Variants in PCGF2 observed in about 807,000 individuals in gnomAD.
The protein encoded by PCGF2 is polycomb group ring finger 2.
A neutral mutation model predicts 36.1 loss-of-function variants in PCGF2; 8 were observed. That is an observed-to-expected ratio of 0.22 (90% confidence interval 0.13 to 0.40). PCGF2 has a LOEUF of 0.40. PCGF2 is among the 10% of genes least tolerant of loss of function. PCGF2 has a pLI of 1.00. For missense variants in PCGF2, 436 were observed against 475.9 expected (o/e 0.92, Z 0.78); for synonymous variants, 198 against 191.2 (o/e 1.04, Z -0.29).
At position 38,739,641 on chromosome 17, in the gene PCGF2, A is replaced by G. The variant is rs749282221; in HGVS notation, c.154T>C (p.Tyr52His). The G allele has an allele frequency of 7.4e-6, 12 of 1,613,842 alleles. No homozygotes were observed. The South Asian group carries it at 1.3e-4, about 18-fold the overall frequency. ...CIVRYLETNK[Y>H]CPMCDVQVHK... ...ACCTGCACGTCACACATGGGGCAGT[A>G]TTTGTTGGTCTCCAGGTAGCGCACG... The change falls in exon 4 of 11, where the codon TAC becomes CAC. Residue 52 changes from tyrosine to histidine, a missense_variant. Tyr to His is a moderately conservative substitution (Grantham distance 83). This residue lies in a region of PCGF2 where 189 missense variants were observed against 219.3 expected (regional missense o/e 0.86). Transcript: ENST00000620225. The surrounding 1 kb of genome is among the most constrained non-coding windows in gnomAD (Gnocchi z 4.0).
chr17:38,735,968 C>T (rs552773204), intron 10 of PCGF2, 122 bp downstream of exon 10: 13 of 732,454 alleles, frequency 1.8e-5, no homozygotes, highest in Non-Finnish European at 3.1e-5. Context: ...CCACCCTGGA[C>T]ATGCAGCTCA....
chr17:38,737,112 G>C (rs1906823394), intron 9 of PCGF2, among the ~76,000 whole-genome samples: 1 of 151,886 alleles, frequency 6.6e-6, no homozygotes, highest in Non-Finnish European at 1.5e-5. Context: ...TCCAGCCTGG[G>C]CAACAAGAGC....
At position 38,739,521 on chromosome 17, in the gene PCGF2, G is replaced by C; in HGVS notation, c.209+65C>G. ...GCCTTGGCTGAAGGAAGCACGGAGC[G>C]TGGGAGGGATGGGGGAGGCTGACCC... On this transcript the variant is annotated intron_variant, in intron 4 of 10. Transcript: ENST00000620225. The surrounding 1 kb of genome is among the most constrained non-coding windows in gnomAD (Gnocchi z 4.0). The C allele has an allele frequency of 7.9e-7, 1 of 1,273,724 alleles. No individual in the cohort carries two copies. The highest frequency in any genetic ancestry group is 1.1e-6 in the Non-Finnish European group (1 of 869,790). 78.9% of individuals were successfully genotyped at this position (1,273,724 alleles called of 1,614,324 possible).
chr17:38,743,470 C>A (rs983232163), intron 2 of PCGF2, among the ~76,000 whole-genome samples: 1 of 152,094 alleles, frequency 6.6e-6, no homozygotes, highest in Non-Finnish European at 1.5e-5. Context: ...GTCACTTCCC[C>A]GAGCATTTCT....
intron 2 of PCGF2, among the ~76,000 whole-genome samples, chr17:38,741,071 AAAG>A (rs1907171620): frequency 6.6e-6 from 1 of 151,978 alleles, no homozygotes; most frequent in Non-Finnish European, 1.5e-5. Context: ...GGAAAATGGA[AAAG>A]AAGAGGGTTT....
rs1373813328 is a variant in PCGF2 at position 38,739,487 on chromosome 17, A to T, written c.209+99T>A. 3 of 1,054,408 alleles carry T rather than the reference A, an allele frequency of 2.8e-6. No homozygotes were observed. The highest frequency in any genetic ancestry group is 4.5e-6 in the Non-Finnish European group (3 of 673,970). 65.3% of individuals were successfully genotyped at this position (1,054,408 alleles called of 1,614,324 possible). On this transcript the variant is annotated intron_variant, in intron 4 of 10. Coordinates refer to ENST00000620225, the MANE Select transcript of PCGF2 (RefSeq NM_007144.3). This position sits in a 1 kb window ranked among gnomAD's most constrained non-coding sequence, Gnocchi z 4.0. ...CAGGTCCACACCCCATGCTTCTCCT[A>T]CACCTGCCGCCTTGGCTGAAGGAAG...
intron 9 of PCGF2, 133 bp from the exon 10 acceptor site, chr17:38,736,303 CTG>C: frequency 1.5e-6 from 1 of 673,404 alleles, no homozygotes; most frequent in Non-Finnish European, 2.7e-6. Flanking sequence ...TGGGATTTCA[CTG>C]TGGATTTGAC....
chr17:38,735,746 A>T, intron 10 of PCGF2, 146 bp from the exon 11 acceptor site: 1 of 1,140,010 alleles, frequency 8.8e-7, no homozygotes, highest in Non-Finnish European at 1.2e-6. Flanking sequence ...AGAGACAAGG[A>T]TACAGGGTGC....
At chr17:38,744,269 C>T (rs1477651054) in intron 2 of PCGF2, among the ~76,000 whole-genome samples, 1 of 152,236 alleles carries the variant, frequency 6.6e-6, no homozygotes, top group Non-Finnish European at 1.5e-5. Flanking sequence ...AACCCCGACC[C>T]CTCTTTGCCA....
At chr17:38,744,973 G>C (rs1198554200) in intron 2 of PCGF2, among the ~76,000 whole-genome samples, 1 of 152,190 alleles carries the variant, frequency 6.6e-6, no homozygotes, top group African/African-American at 2.4e-5. Flanking sequence ...CCAACACTTT[G>C]GGAGGCCAAG....
At position 38,735,208 on chromosome 17, in the gene PCGF2, A is replaced by G; in HGVS notation, c.*15T>C. ...TGGAGAGGCTTGGCTGGAAGAAGGG[A>G]GAGGGTCCCTGGCCTCAAGTTAAGG... is the stretch of plus-strand genomic sequence containing the variant. On this transcript the variant is annotated 3_prime_UTR_variant, in exon 11 of 11. Coordinates refer to ENST00000620225, the MANE Select transcript of PCGF2 (RefSeq NM_007144.3). The G allele has an allele frequency of 7.2e-7, 1 of 1,391,478 alleles. No homozygotes were observed. The highest frequency in any genetic ancestry group is 9.4e-7 in the Non-Finnish European group (1 of 1,062,710). The allele number at this position is 1,391,478 out of a possible 1,614,324, so 86.2% of individuals were successfully genotyped here. A position where few individuals can be genotyped will look rare whatever the true frequency, so the allele number is the denominator to read the frequency against.
chr17:38,745,345 A>G (rs1480145420), intron 2 of PCGF2, among the ~76,000 whole-genome samples: 1 of 152,064 alleles, frequency 6.6e-6, no homozygotes, highest in Non-Finnish European at 1.5e-5. Context: ...CAAACAAACA[A>G]AAATACAAAA....
intron 9 of PCGF2, 46 bp from the exon 10 acceptor site, chr17:38,736,216 G>T: frequency 2.3e-6 from 3 of 1,304,136 alleles, no homozygotes; most frequent in Non-Finnish European, 3.3e-6. Context: ...CCAGCTCGGG[G>T]CTCCAGGCTG....
chr17:38,737,820 G>A (rs949764512), intron 9 of PCGF2, among the ~76,000 whole-genome samples: 1 of 150,144 alleles, frequency 6.7e-6, no homozygotes, highest in Non-Finnish European at 1.5e-5. Flanking sequence ...GCTGAGGCAG[G>A]AGAATCGCTT....
At position 38,738,834 on chromosome 17, in the gene PCGF2, C is replaced by T. The variant is rs754586944; in HGVS notation, c.344G>A (p.Gly115Asp). ...EVPNGSNEDR[G>D]EVLEQEKGAL... ...CCCCTTCTCCTGCTCCAAGACCTCG[C>T]CGCGGTCCTCATTGGAGCCGTTGGG... Residue 115 changes from glycine (G) to aspartate (D), a missense_variant, in exon 7 of 11, where the codon GGC (glycine) becomes GAC (aspartate). This residue lies in a region of PCGF2 where 189 missense variants were observed against 219.3 expected (regional missense o/e 0.86). Transcript: ENST00000620225. 3.7e-6 allele frequency: 6 copies of T among 1,613,906 alleles called. No individual in the cohort carries two copies. The Admixed American group carries it at 5.0e-5, about 13-fold the overall frequency.
Position 38,739,509 on chromosome 17 carries a change from G to A in PCGF2, c.209+77C>T, listed in dbSNP as rs1393253092. Reference sequence around the variant, plus strand: ...CCTACACCTGCCGCCTTGGCTGAAGGAAGCACGGAGCGTGGGAGGGATGGG... The same window carrying A: ...CCTACACCTGCCGCCTTGGCTGAAGAAAGCACGGAGCGTGGGAGGGATGGG... On this transcript the variant is annotated intron_variant, in intron 4 of 10. Transcript: ENST00000620225. The surrounding 1 kb of genome is among the most constrained non-coding windows in gnomAD (Gnocchi z 4.0). 2.5e-6 allele frequency: 3 copies of A among 1,203,526 alleles called. No individual in the cohort carries two copies. Among genetic ancestry groups the A allele is most frequent in the African/African-American group, 1.5e-5 (1 of 67,010 alleles). The allele number at this position is 1,203,526 out of a possible 1,614,324, so 74.6% of individuals were successfully genotyped here. A position where few individuals can be genotyped will look rare whatever the true frequency, so the allele number is the denominator to read the frequency against.
Position 38,740,551 on chromosome 17 carries a change from A to C in PCGF2, c.-40-109T>G, listed in dbSNP as rs568090887. 567 of 695,356 alleles carry C rather than the reference A, an allele frequency of 8.2e-4. 1 individual carries two copies. The highest frequency in any genetic ancestry group is 2.4e-3 in the Admixed American group (77 of 32,720). 43.1% of individuals were successfully genotyped at this position (695,356 alleles called of 1,614,324 possible). On this transcript the variant is annotated intron_variant, in intron 2 of 10. Transcript: ENST00000620225. ...AAGGCGGGCGGATCACGAGGTCAGG[A>C]GATTGAGACCATCTTGACTAACATG...
intron 10 of PCGF2, among the ~76,000 whole-genome samples, chr17:38,735,879 C>T (rs1392774790): frequency 1.3e-5 from 2 of 151,998 alleles, no homozygotes; most frequent in Non-Finnish European, 2.9e-5. Flanking sequence ...CTGGGGACAC[C>T]GTCTGCCCAG....
At chr17:38,740,215 C>A in intron 3 of PCGF2, 76 bp downstream of exon 3, 1 of 1,333,372 alleles carries the variant, frequency 7.5e-7, no homozygotes, top group Non-Finnish European at 1.1e-6. Context: ...TGCGTGCTAC[C>A]TTCCTCAGGC....
Sources: allele counts gnomAD v4.1 joint callset (sites outside exome capture counted in the v4.1 genomes callset), GRCh38; gene constraint gnomAD v4.1.1; regional missense constraint gnomAD v4.1.1; non-coding constraint Gnocchi (gnomAD v3.1); transcripts MANE v1.5; gene names NCBI Gene and HGNC (gene_info 2026-07-23, HGNC 2026-07-21).